SORCS1: variants seen among roughly 807,000 people sequenced by gnomAD.
SORCS1 encodes sortilin related VPS10 domain containing receptor 1, also known as VPS10 domain-containing receptor SorCS1.
SORCS1 carries 60 observed loss-of-function variants against 146.1 expected under a neutral mutation model. The observed-to-expected ratio is 0.41, with a 90% CI of 0.33 to 0.51. The LOEUF is 0.51. SORCS1 is among the 20% of genes least tolerant of loss of function. SORCS1 has a pLI of 0.21. For missense variants in SORCS1, 1,352 were observed against 1,487.6 expected (o/e 0.91, Z 1.50); for synonymous variants, 637 against 584.0 (o/e 1.09, Z -1.31).
At chr10:107,079,710 G>C (rs1963177721) in intron 1 of SORCS1, among the ~76,000 whole-genome samples, 1 of 152,170 alleles carries the variant, frequency 6.6e-6, no homozygotes, top group South Asian at 2.1e-4. Context: ...GGAAGGCCCA[G>C]AGTGAGTCAA....
intron 2 of SORCS1, among the ~76,000 whole-genome samples, chr10:106,899,629 G>A (rs990107112): frequency 1.7e-5 from 2 of 116,588 alleles, no homozygotes; most frequent in South Asian, 5.6e-4. Flanking sequence ...AATTTTTACA[G>A]TAGCCTCTGA....
chr10:107,007,314 C>T (rs1160957996), intron 1 of SORCS1, among the ~76,000 whole-genome samples: 1 of 152,166 alleles, frequency 6.6e-6, no homozygotes, highest in Non-Finnish European at 1.5e-5. Flanking sequence ...TGCCATTTTC[C>T]AGATGAGGCA....
intron 1 of SORCS1, among the ~76,000 whole-genome samples, chr10:107,004,186 A>G (rs1957344872): frequency 6.6e-6 from 1 of 151,356 alleles, no homozygotes; most frequent in East Asian, 1.9e-4. Context: ...AAAAAAAAAA[A>G]AAAAAAAAAA....
rs180732131 is a variant in SORCS1 at position 106,777,350 on chromosome 10, C to A, written c.727-658G>T. On this transcript the variant is annotated intron_variant, in intron 3 of 25. Coordinates refer to ENST00000263054, the MANE Select transcript of SORCS1 (RefSeq NM_052918.5). ...CCTCTACTAAAAAATAAACCCTGTG[C>A]GAACAGAGATAGCTGTCTGTATAGT... 8.5e-5 allele frequency among the ~76,000 whole-genome samples: 13 copies of A among 152,222 alleles called. No homozygotes were observed. In the East Asian group the frequency reaches 2.5e-3, roughly 29 times the overall value.
chr10:107,049,046 G>A lies in SORCS1; in HGVS notation c.559-92466C>T, dbSNP rs564610389. Among the ~76,000 whole-genome samples the A allele has an allele frequency of 2.1e-3, 323 of 151,734 alleles. 1 individual carries two copies. The highest frequency in any genetic ancestry group is 6.5e-3 in the African/African-American group (267 of 41,312). Reference sequence around the variant, plus strand: ...GTCCAACAATGATAGACTGGATTAAGAAAATGTGGCACATATACACCATGG... The same window carrying A: ...GTCCAACAATGATAGACTGGATTAAAAAAATGTGGCACATATACACCATGG... On this transcript the variant is annotated intron_variant, in intron 1 of 25. Transcript: ENST00000263054.
At chr10:107,062,738 T>C (rs1446499848) in intron 1 of SORCS1, among the ~76,000 whole-genome samples, 3 of 152,100 alleles carry the variant, frequency 2.0e-5, no homozygotes, top group African/African-American at 7.2e-5. Context: ...TTACCTCCTT[T>C]CCTCTTACGT....
At chr10:106,733,635 C>G (rs918559094) in intron 5 of SORCS1, among the ~76,000 whole-genome samples, 2 of 152,138 alleles carry the variant, frequency 1.3e-5, no homozygotes, top group Non-Finnish European at 2.9e-5. Flanking sequence ...CATCCTCATC[C>G]TCATCATTAA....
intron 1 of SORCS1, among the ~76,000 whole-genome samples, chr10:106,995,263 G>A (rs543196536): frequency 2.7e-5 from 4 of 150,020 alleles, no homozygotes; most frequent in Non-Finnish European, 4.4e-5. Context: ...GCAGTGAGCC[G>A]AGATCGCACC....
chr10:106,651,894 C>T (rs1358446797), intron 18 of SORCS1, among the ~76,000 whole-genome samples: 1 of 152,204 alleles, frequency 6.6e-6, no homozygotes, highest in African/African-American at 2.4e-5. Flanking sequence ...ACAATACAAA[C>T]TCTTAACTGC....
chr10:106,728,605 T>A (rs1479366641), intron 6 of SORCS1, among the ~76,000 whole-genome samples: 1 of 152,228 alleles, frequency 6.6e-6, no homozygotes. Context: ...ATGAGAAATC[T>A]CATGGTACAT....
At chr10:107,034,356 C>T (rs1310049857) in intron 1 of SORCS1, among the ~76,000 whole-genome samples, 1 of 151,872 alleles carries the variant, frequency 6.6e-6, no homozygotes, top group Admixed American at 6.6e-5. Flanking sequence ...GCGCTTTCCA[C>T]CTTTCTTTCC....
At chr10:106,818,226 A>T (rs765138767) in intron 3 of SORCS1, among the ~76,000 whole-genome samples, 3 of 152,140 alleles carry the variant, frequency 2.0e-5, no homozygotes, top group Non-Finnish European at 4.4e-5. Flanking sequence ...CTATAATGTG[A>T]ATTTTAGTTG....
chr10:107,113,730 A>C (rs1462376177), intron 1 of SORCS1, among the ~76,000 whole-genome samples: 1 of 151,356 alleles, frequency 6.6e-6, no homozygotes, highest in Admixed American at 6.6e-5. Context: ...AACTGAAACA[A>C]CCTATTGTTA....
intron 14 of SORCS1, among the ~76,000 whole-genome samples, chr10:106,673,583 A>G (rs900703701): frequency 6.6e-6 from 1 of 152,238 alleles, no homozygotes; most frequent in African/African-American, 2.4e-5. Flanking sequence ...ATATTGTGCC[A>G]CAGGATTGGT....
intron 1 of SORCS1, among the ~76,000 whole-genome samples, chr10:106,987,229 C>T (rs1386491336): frequency 7.2e-5 from 11 of 152,262 alleles, no homozygotes; most frequent in Middle Eastern, 3.4e-3. Flanking sequence ...TATTCTGGTA[C>T]ATAGTCTTTA....
chr10:106,657,000 T>A (rs1371845897), intron 17 of SORCS1, among the ~76,000 whole-genome samples: 1 of 152,210 alleles, frequency 6.6e-6, no homozygotes, highest in Non-Finnish European at 1.5e-5. Flanking sequence ...GGGGTAGGAA[T>A]GTAGATTAGT....
At chr10:106,797,919 T>G (rs956705563) in intron 3 of SORCS1, among the ~76,000 whole-genome samples, 2 of 152,166 alleles carry the variant, frequency 1.3e-5, no homozygotes, top group African/African-American at 2.4e-5. Context: ...GGCTAAGATA[T>G]AAAGCAATCT....
chr10:106,781,200 G>C (rs560886773), intron 3 of SORCS1, among the ~76,000 whole-genome samples: 1 of 152,250 alleles, frequency 6.6e-6, no homozygotes, highest in South Asian at 2.1e-4. Flanking sequence ...TCTTTTCCTA[G>C]ATATGCTGTT....
chr10:107,072,616 T>C (rs1590070611), intron 1 of SORCS1, among the ~76,000 whole-genome samples: 1 of 151,786 alleles, frequency 6.6e-6, no homozygotes, highest in African/African-American at 2.4e-5. Context: ...CACATATATA[T>C]ATACACACAT....
Sources: allele counts gnomAD v4.1 joint callset (sites outside exome capture counted in the v4.1 genomes callset), GRCh38; gene constraint gnomAD v4.1.1; transcripts MANE v1.5; gene names NCBI Gene and HGNC (gene_info 2026-07-23, HGNC 2026-07-21).